SEPTIN9: variants seen among roughly 807,000 people sequenced by gnomAD.
SEPTIN9 encodes septin 9.
Under a neutral mutation model 56.6 loss-of-function variants are expected in SEPTIN9, and 13 were observed. That is an observed-to-expected ratio of 0.23 (90% CI 0.15 to 0.37). The LOEUF is 0.37. Among genes scored for constraint, SEPTIN9 ranks in the 10% least tolerant of loss-of-function variants. The probability of loss-of-function intolerance (pLI) is 1.00; values close to 1 mark genes in which losing one functional copy is unlikely to be tolerated. For synonymous variants in SEPTIN9, 332 were observed against 334.1 expected, an observed-to-expected ratio of 0.99 and a Z score of 0.07; for missense variants, 650 against 823.1, an observed-to-expected ratio of 0.79 and a Z score of 2.57.
rs1176716812 is a variant in SEPTIN9 at position 77,456,179 on chromosome 17, G to C, written c.722-25965G>C. Among the ~76,000 whole-genome samples, 1 of 129,554 alleles carries C rather than the reference G, an allele frequency of 7.7e-6. No individual in the cohort carries two copies. The highest frequency in any genetic ancestry group is 2.9e-5 in the African/African-American group (1 of 34,368). 85.0% of individuals were successfully genotyped at this position (129,554 alleles called of 152,430 possible). ...TTGAGTGGGAGGGAGAATCGCTGCT[G>C]TCTGTAGCTGGGGGGCCGGGTGGGT... On this transcript the variant is annotated intron_variant, in intron 3 of 11. Coordinates refer to ENST00000427177, the MANE Select transcript of SEPTIN9 (RefSeq NM_001113491.2). The surrounding 1 kb of genome is among the most constrained non-coding windows in gnomAD (Gnocchi z 6.0).
rs146728686 is a variant in SEPTIN9 at position 77,403,301 on chromosome 17, C to G, written c.721+598C>G. Among the ~76,000 whole-genome samples the G allele has an allele frequency of 2.4e-4, 37 of 152,320 alleles. 2 individuals carry two copies. In the East Asian group the frequency reaches 7.0e-3, roughly 29 times the overall value. ...AGAGGGAGGGGAACATGAGGAGCAC[C>G]TTAGCCTGCAGGACAAAATTCTCAG... On this transcript the variant is annotated intron_variant, in intron 3 of 11. Transcript: ENST00000427177.
Position 77,310,172 on chromosome 17 carries a change from G to A in SEPTIN9, c.76+2975G>A, listed in dbSNP as rs1480264670. On this transcript the variant is annotated intron_variant, in intron 2 of 11. Transcript: ENST00000427177. This position sits in a 1 kb window ranked among gnomAD's most constrained non-coding sequence, Gnocchi z 4.7. ...TTTTTTTGTATTTTTAGTAGACACAGGGTTTCACCATGTTGGTCAGGCTGG... is the reference window on the plus strand; with the variant it reads ...TTTTTTTGTATTTTTAGTAGACACAAGGTTTCACCATGTTGGTCAGGCTGG... 6.6e-6 allele frequency among the ~76,000 whole-genome samples: 1 copy of A among 152,108 alleles called. No homozygotes were observed. The highest frequency in any genetic ancestry group is 1.5e-5 in the Non-Finnish European group (1 of 68,026).
At chr17:77,284,540 G>C (rs892425093) in intron 1 of SEPTIN9, among the ~76,000 whole-genome samples, 4 of 152,360 alleles carry the variant, frequency 2.6e-5, no homozygotes, top group African/African-American at 7.2e-5. Context: ...ATCTCACCAG[G>C]CTGCGCCTCT....
At chr17:77,495,677 C>T (rs529986098) in intron 10 of SEPTIN9, among the ~76,000 whole-genome samples, 2 of 152,210 alleles carry the variant, frequency 1.3e-5, no homozygotes, top group African/African-American at 2.4e-5. Flanking sequence ...TGCCGGCTCT[C>T]GCTGCCCGTC....
At chr17:77,309,673 A>G (rs1031801553) in intron 2 of SEPTIN9, among the ~76,000 whole-genome samples, 1 of 152,038 alleles carries the variant, frequency 6.6e-6, no homozygotes, top group African/African-American at 2.4e-5. Flanking sequence ...CAGGGATGAC[A>G]TTTCTGGCAA....
intron 2 of SEPTIN9, chr17:77,373,433 C>T (rs576443636): frequency 1.4e-6 from 2 of 1,462,762 alleles, no homozygotes; most frequent in Non-Finnish European, 1.8e-6. Context: ...CGCGCAGGGC[C>T]CGGGCCCCGC....
At chr17:77,334,618 A>T (rs2033475359) in intron 2 of SEPTIN9, among the ~76,000 whole-genome samples, 1 of 151,810 alleles carries the variant, frequency 6.6e-6, no homozygotes, top group Admixed American at 6.6e-5. Context: ...TCCAGTTTCG[A>T]TTTATGATTT....
At chr17:77,482,049 G>A (rs143155950) in intron 3 of SEPTIN9, 95 bp from the exon 4 acceptor site, 1 of 1,240,202 alleles carries the variant, frequency 8.1e-7, no homozygotes, top group Non-Finnish European at 1.1e-6. Flanking sequence ...CAGTGCCTCA[G>A]TTTCCCCATC....
intron 1 of SEPTIN9, chr17:77,286,490 A>G (rs1463117730): frequency 6.6e-6 from 1 of 152,426 alleles, no homozygotes; most frequent in East Asian, 1.9e-4. Flanking sequence ...TCTGGAATCC[A>G]GGTCCAGGTG....
chr17:77,405,810 C>T lies in SEPTIN9; in HGVS notation c.721+3107C>T, dbSNP rs2144117259. Among the ~76,000 whole-genome samples the T allele has an allele frequency of 6.6e-6, 1 of 152,332 alleles. No individual in the cohort carries two copies. The highest frequency in any genetic ancestry group is 1.9e-4 in the East Asian group (1 of 5,184). Reference sequence around the variant, plus strand: ...ACGGATCCAGTTCTCTCCAACTCAGCTTCCTGCCCATCTTTCCTTCAGGCC... The same window carrying T: ...ACGGATCCAGTTCTCTCCAACTCAGTTTCCTGCCCATCTTTCCTTCAGGCC... On this transcript the variant is annotated intron_variant, in intron 3 of 11. Transcript: ENST00000427177. This position sits in a 1 kb window ranked among gnomAD's most constrained non-coding sequence, Gnocchi z 5.8.
At position 77,400,837 on chromosome 17, in the gene SEPTIN9, C is replaced by T. The variant is rs1301834335; in HGVS notation, c.77-1222C>T. Reference sequence around the variant, plus strand: ...ATGTGGGTCCCTCCCTGCTCTGGCCCTGATAACCAGGAGCGGCTGGCTCTC... The same window carrying T: ...ATGTGGGTCCCTCCCTGCTCTGGCCTTGATAACCAGGAGCGGCTGGCTCTC... On this transcript the variant is annotated intron_variant, in intron 2 of 11. Coordinates refer to ENST00000427177, the MANE Select transcript of SEPTIN9 (RefSeq NM_001113491.2). This position sits in a 1 kb window ranked among gnomAD's most constrained non-coding sequence, Gnocchi z 4.1. 1.3e-5 allele frequency: 2 copies of T among 152,688 alleles called. No homozygotes were observed. The highest frequency in any genetic ancestry group is 2.4e-5 in the African/African-American group (1 of 41,420). 9.5% of individuals were successfully genotyped at this position (152,688 alleles called of 1,614,324 possible).
At chr17:77,446,732 G>C (rs2037757282) in intron 3 of SEPTIN9, 1 of 167,046 alleles carries the variant, frequency 6.0e-6, no homozygotes, top group African/African-American at 2.4e-5. Context: ...TACATCTACA[G>C]AGTCCCTGTT....
chr17:77,353,777 C>T (rs1315850648), intron 2 of SEPTIN9, among the ~76,000 whole-genome samples: 2 of 152,096 alleles, frequency 1.3e-5, no homozygotes, highest in African/African-American at 2.4e-5. Flanking sequence ...GTCTCAGCCC[C>T]GCAATCCATT....
Position 77,449,116 on chromosome 17 carries a change from A to G in SEPTIN9, c.722-33028A>G, listed in dbSNP as rs2037869689. Among the ~76,000 whole-genome samples the G allele has an allele frequency of 6.6e-6, 1 of 152,030 alleles. No individual in the cohort carries two copies. The highest frequency in any genetic ancestry group is 2.4e-5 in the African/African-American group (1 of 41,380). ...ACATTTTTTATTGTAGGTGCTGGAA[A>G]ATGTAAGGTTGCGTCTGTGGCCCAT... On this transcript the variant is annotated intron_variant, in intron 3 of 11. Coordinates refer to ENST00000427177, the MANE Select transcript of SEPTIN9 (RefSeq NM_001113491.2). The surrounding 1 kb of genome is among the most constrained non-coding windows in gnomAD (Gnocchi z 4.6).
intron 3 of SEPTIN9, chr17:77,454,030 G>A (rs1166793458): frequency 6.3e-6 from 6 of 954,924 alleles, no homozygotes; most frequent in Non-Finnish European, 7.5e-6. Flanking sequence ...GATGTTTAGG[G>A]CTTCCGCCCT....
At chr17:77,464,366 C>A (rs2038613775) in intron 3 of SEPTIN9, among the ~76,000 whole-genome samples, 2 of 152,204 alleles carry the variant, frequency 1.3e-5, no homozygotes, top group African/African-American at 4.8e-5. Flanking sequence ...GCGTGAGCCA[C>A]CACGCCTGGC....
intron 3 of SEPTIN9, among the ~76,000 whole-genome samples, chr17:77,432,076 C>G (rs1258471314): frequency 1.3e-5 from 2 of 152,160 alleles, no homozygotes; most frequent in African/African-American, 4.8e-5. Context: ...CTCACATGCT[C>G]TCTCTGCGTG....
At chr17:77,489,922 C>T (rs1219946115) in intron 7 of SEPTIN9, among the ~76,000 whole-genome samples, 3 of 152,228 alleles carry the variant, frequency 2.0e-5, no homozygotes. Flanking sequence ...AGCTTTGCCT[C>T]AGCTGAGGCT....
chr17:77,466,415 G>T (rs754105145), intron 3 of SEPTIN9: 11 of 985,538 alleles, frequency 1.1e-5, no homozygotes, highest in Non-Finnish European at 1.2e-5. Flanking sequence ...GAAGGGCCTG[G>T]GAGGGGACAG....
Sources: gnomAD v4.1 joint callset for allele counts (sites outside exome capture counted in the v4.1 genomes callset) on GRCh38, gnomAD v4.1.1 for gene constraint, Gnocchi (gnomAD v3.1) non-coding constraint, MANE v1.5 for transcripts, NCBI Gene and HGNC (gene_info 2026-07-23, HGNC 2026-07-21) for gene names.